Variants in MACROD1 observed in about 807,000 individuals in gnomAD.
MACROD1 encodes ADP-ribose glycohydrolase MACROD1.
Under a neutral mutation model 41.4 loss-of-function variants are expected in MACROD1, and 31 were observed. The observed-to-expected ratio is 0.75, with a 90% CI of 0.56 to 1.01. The LOEUF is 1.01. Among genes scored for constraint, MACROD1 ranks in the 50% least tolerant of loss-of-function variants. The pLI is 0.00. For missense variants in MACROD1, 473 were observed against 460.0 expected (o/e 1.03, Z -0.26); for synonymous variants, 252 against 203.4 (o/e 1.24, Z -2.03).
intron 4 of MACROD1, among the ~76,000 whole-genome samples, chr11:64,006,458 A>C (rs1264513189): frequency 6.6e-6 from 1 of 152,178 alleles, no homozygotes; most frequent in Non-Finnish European, 1.5e-5. Flanking sequence ...CCCGGGGGAG[A>C]AGATGGATGG....
intron 3 of MACROD1, among the ~76,000 whole-genome samples, chr11:64,033,462 C>G (rs1045615603): frequency 1.3e-5 from 2 of 152,216 alleles, no homozygotes; most frequent in Non-Finnish European, 2.9e-5. Context: ...TCATAGCTCA[C>G]TGCAGCCTCA....
intron 3 of MACROD1, chr11:64,148,665 C>T (rs1381252428): frequency 2.1e-5 from 19 of 905,020 alleles, no homozygotes; most frequent in Non-Finnish European, 2.4e-5. Flanking sequence ...TCTCTTCCTG[C>T]TTGAAACTTT....
chr11:64,100,240 C>T (rs924177876), intron 3 of MACROD1, among the ~76,000 whole-genome samples: 2 of 152,136 alleles, frequency 1.3e-5, no homozygotes, highest in Admixed American at 6.5e-5. Context: ...TGGGCAGATT[C>T]GGCCAAAACG....
intron 3 of MACROD1, among the ~76,000 whole-genome samples, chr11:64,087,840 C>T (rs1194046473): frequency 6.6e-6 from 1 of 152,228 alleles, no homozygotes; most frequent in Non-Finnish European, 1.5e-5. Flanking sequence ...AGACCACTCT[C>T]CTGGGGGCTG....
Position 64,058,917 on chromosome 11 carries a change from G to T in MACROD1, c.518-43636C>A, listed in dbSNP as rs1943844249. 2.0e-5 allele frequency among the ~76,000 whole-genome samples: 3 copies of T among 152,276 alleles called. No homozygotes were observed. In the South Asian group the frequency reaches 6.2e-4, roughly 32 times the overall value. On this transcript the variant is annotated intron_variant, in intron 3 of 10. Coordinates refer to ENST00000255681, the MANE Select transcript of MACROD1 (RefSeq NM_014067.4). ...GCCACACCCAGGCACAGCTGGAGGT[G>T]GGGGTGAGTGACACATGGACCCAGG... is the stretch of plus-strand genomic sequence containing the variant.
At chr11:64,003,368 C>G (rs867728485) in intron 4 of MACROD1, among the ~76,000 whole-genome samples, 35 of 152,184 alleles carry the variant, frequency 2.3e-4, no homozygotes, top group African/African-American at 7.7e-4. Context: ...CAGGGGCGCA[C>G]CACTATGCCC....
chr11:64,117,926 G>A, intron 3 of MACROD1: 1 of 1,613,976 alleles, frequency 6.2e-7, no homozygotes, highest in Non-Finnish European at 8.5e-7. Context: ...GCCTGCCCCT[G>A]GCGGGCATCA....
intron 3 of MACROD1, among the ~76,000 whole-genome samples, chr11:64,124,418 G>GT (rs1945147016): frequency 6.6e-6 from 1 of 152,340 alleles, no homozygotes; most frequent in Admixed American, 6.5e-5. Context: ...TCACTCTGTG[G>GT]TTTTAAGCAT....
At chr11:64,057,835 C>G (rs546269763) in intron 3 of MACROD1, among the ~76,000 whole-genome samples, 1 of 152,366 alleles carries the variant, frequency 6.6e-6, no homozygotes, top group South Asian at 2.1e-4. Context: ...CAGCAGCACC[C>G]CTTTCCACTT....
At chr11:64,151,588 A>G (rs1482833158) in intron 2 of MACROD1, among the ~76,000 whole-genome samples, 1 of 152,230 alleles carries the variant, frequency 6.6e-6, no homozygotes, top group Non-Finnish European at 1.5e-5. Flanking sequence ...CAGCAGGTAC[A>G]GTGCCAATAT....
intron 3 of MACROD1, among the ~76,000 whole-genome samples, chr11:64,047,597 G>A (rs1565208420): frequency 6.6e-6 from 1 of 152,054 alleles, no homozygotes; most frequent in Non-Finnish European, 1.5e-5. Context: ...GGAAACTGAG[G>A]TTAATAGAGG....
chr11:64,085,877 G>A lies in MACROD1; in HGVS notation c.517+65362C>T, dbSNP rs563822448. Among the ~76,000 whole-genome samples, 14 of 152,316 alleles carry A rather than the reference G, an allele frequency of 9.2e-5. No individual in the cohort carries two copies. The East Asian group carries it at 2.3e-3, about 25-fold the overall frequency. ...AGATGATGCAGATAAAGTCCTGGGG[G>A]GTGAGGAAAGGGGGCCCTTCTCAGG... On this transcript the variant is annotated intron_variant, in intron 3 of 10. Transcript: ENST00000255681.
intron 3 of MACROD1, among the ~76,000 whole-genome samples, chr11:64,022,726 G>A (rs766750184): frequency 2.0e-4 from 30 of 152,172 alleles, no homozygotes; most frequent in African/African-American, 7.2e-4. Context: ...ACTGTCCTCC[G>A]TGGTAGGGCG....
At chr11:64,130,683 A>T (rs1590951387) in intron 3 of MACROD1, among the ~76,000 whole-genome samples, 1 of 151,398 alleles carries the variant, frequency 6.6e-6, no homozygotes, top group Non-Finnish European at 1.5e-5. Flanking sequence ...TGCTTCCAGG[A>T]CCCCCCCACA....
At chr11:64,158,297 C>T (rs376207475) in intron 1 of MACROD1, among the ~76,000 whole-genome samples, 1 of 152,176 alleles carries the variant, frequency 6.6e-6, no homozygotes, top group Admixed American at 6.5e-5. Flanking sequence ...ACGGCCAGCA[C>T]AGAGCAGAGA....
At chr11:64,040,227 T>C (rs1383118163) in intron 3 of MACROD1, among the ~76,000 whole-genome samples, 1 of 143,284 alleles carries the variant, frequency 7.0e-6, no homozygotes, top group Non-Finnish European at 1.5e-5. Context: ...AGGCGCAAAG[T>C]GGTGAGGTCA....
intron 3 of MACROD1, among the ~76,000 whole-genome samples, chr11:64,125,944 C>A (rs983784290): frequency 1.3e-5 from 2 of 152,186 alleles, no homozygotes; most frequent in African/African-American, 4.8e-5. Context: ...CACCACAAAC[C>A]GACAATCAAA....
At chr11:64,161,158 A>C (rs1302623775) in intron 1 of MACROD1, among the ~76,000 whole-genome samples, 3 of 152,098 alleles carry the variant, frequency 2.0e-5, no homozygotes, top group Non-Finnish European at 2.9e-5. Flanking sequence ...GCGACAGAGC[A>C]AGACTCCATC....
intron 3 of MACROD1, among the ~76,000 whole-genome samples, chr11:64,112,389 C>G (rs1026182997): frequency 6.6e-6 from 1 of 152,108 alleles, no homozygotes; most frequent in Non-Finnish European, 1.5e-5. Flanking sequence ...TGGTGCACAC[C>G]TGTAGTCCCA....
Sources: allele counts gnomAD v4.1 joint callset (sites outside exome capture counted in the v4.1 genomes callset), GRCh38; gene constraint gnomAD v4.1.1; transcripts MANE v1.5; gene names NCBI Gene and HGNC (gene_info 2026-07-23, HGNC 2026-07-21).